The following CREB1 variants were observed in gnomAD, a reference collection of about 807,000 sequenced individuals.
The protein encoded by CREB1 is cAMP responsive element binding protein 1.
CREB1 carries 2 observed loss-of-function variants against 42.0 expected under a neutral mutation model. The ratio of observed to expected loss-of-function variants is 0.05; its 90% CI spans 0.02 to 0.15. CREB1 has a LOEUF of 0.15. CREB1 is among the 10% of genes least tolerant of loss of function. CREB1 has a pLI of 1.00. For missense variants in CREB1, 199 were observed against 388.9 expected (o/e 0.51, Z 4.11); for synonymous variants, 123 against 139.9 (o/e 0.88, Z 0.85).
rs923606976 is a variant in CREB1, at chr2:207,602,055, G to A, written c.*4997G>A. ...TATGGAAAATTTTCAAATAAACAGG[G>A]TGCTGAAGTTCCATCTGTCTCATCT... On this transcript the variant is annotated 3_prime_UTR_variant, in exon 8 of 8. Transcript: ENST00000353267. 1 of 204,854 alleles carries A rather than the reference G, an allele frequency of 4.9e-6. No homozygotes were observed. The highest frequency in any genetic ancestry group is 6.0e-5 in the Admixed American group (1 of 16,704). 12.7% of individuals were successfully genotyped at this position (204,854 alleles called of 1,614,324 possible).
At chr2:207,549,567 T>C (rs1418607654) in intron 1 of CREB1, among the ~76,000 whole-genome samples, 1 of 152,122 alleles carries the variant, frequency 6.6e-6, no homozygotes, top group Non-Finnish European at 1.5e-5. Flanking sequence ...ATTTGAAGGA[T>C]GTAAGAATGT....
intron 3 of CREB1, among the ~76,000 whole-genome samples, chr2:207,560,732 A>AGAG (rs2081925398): frequency 6.6e-6 from 1 of 152,228 alleles, no homozygotes; most frequent in Non-Finnish European, 1.5e-5. Context: ...GCAATTGGAG[A>AGAG]AAAATATACC....
At chr2:207,578,862 C>G (rs55834243) in intron 7 of CREB1, among the ~76,000 whole-genome samples, 2 of 152,018 alleles carry the variant, frequency 1.3e-5, no homozygotes, top group Non-Finnish European at 2.9e-5. Context: ...GCAATCTCAG[C>G]TCACTGCAGC....
intron 3 of CREB1, among the ~76,000 whole-genome samples, chr2:207,561,773 G>A (rs1347372194): frequency 6.6e-6 from 1 of 152,090 alleles, no homozygotes; most frequent in African/African-American, 2.4e-5. Context: ...ATTAATATTT[G>A]TAGAGGGGAG....
chr2:207,602,483 A>G lies in CREB1; in HGVS notation c.*5425A>G. ...GAGTAGGAAATTCACATTTGACCTAACATTACTTGCCTATAGAAGTATGGC... is the reference window on the plus strand; with the variant it reads ...GAGTAGGAAATTCACATTTGACCTAGCATTACTTGCCTATAGAAGTATGGC... On this transcript the variant is annotated 3_prime_UTR_variant, in exon 8 of 8. Transcript: ENST00000353267. 4.9e-6 allele frequency: 1 copy of G among 203,898 alleles called. No individual in the cohort carries two copies. The highest frequency in any genetic ancestry group is 1.0e-5 in the Non-Finnish European group (1 of 99,476). 12.6% of individuals were successfully genotyped at this position (203,898 alleles called of 1,614,324 possible).
intron 1 of CREB1, among the ~76,000 whole-genome samples, chr2:207,545,619 TAGG>T (rs1206536981): frequency 6.6e-6 from 1 of 152,158 alleles, no homozygotes; most frequent in Non-Finnish European, 1.5e-5. Flanking sequence ...TACTACGTAG[TAGG>T]CGCAGAATAT....
At chr2:207,586,313 T>C (rs926856648) in intron 7 of CREB1, among the ~76,000 whole-genome samples, 6 of 152,072 alleles carry the variant, frequency 3.9e-5, no homozygotes, top group Non-Finnish European at 7.4e-5. Context: ...AGAACATACA[T>C]TGGGGAAAGG....
chr2:207,604,747 C>T lies in CREB1; in HGVS notation c.*7689C>T, dbSNP rs926092628. Among the ~76,000 whole-genome samples, 1 of 152,154 alleles carries T rather than the reference C, an allele frequency of 6.6e-6. No homozygotes were observed. Among genetic ancestry groups the T allele is most frequent in the African/African-American group, 2.4e-5 (1 of 41,430 alleles). On this transcript the variant is annotated 3_prime_UTR_variant, in exon 8 of 8. Coordinates refer to ENST00000353267, the MANE Select transcript of CREB1 (RefSeq NM_004379.5). ...TCCCGTTACTCTCCATTTTCTCCTCCCACCGCCCTTGTCCCTGGCAACCAC... is the reference window on the plus strand; with the variant it reads ...TCCCGTTACTCTCCATTTTCTCCTCTCACCGCCCTTGTCCCTGGCAACCAC...
chr2:207,544,349 A>G (rs575895544), intron 1 of CREB1, among the ~76,000 whole-genome samples: 3 of 152,186 alleles, frequency 2.0e-5, no homozygotes, highest in African/African-American at 4.8e-5. Flanking sequence ...ATAGGCAGCT[A>G]TTCTTTCTTT....
intron 7 of CREB1, among the ~76,000 whole-genome samples, chr2:207,595,957 C>T (rs573327668): frequency 6.6e-6 from 1 of 152,214 alleles, no homozygotes; most frequent in African/African-American, 2.4e-5. Context: ...TATTGTCTTT[C>T]GATGTGCAGA....
intron 1 of CREB1, among the ~76,000 whole-genome samples, chr2:207,548,486 C>T (rs1298465000): frequency 6.6e-6 from 1 of 152,086 alleles, no homozygotes; most frequent in Non-Finnish European, 1.5e-5. Context: ...CCCGGTGGCT[C>T]ACACCTGTAA....
chr2:207,563,272 G>A (rs997618384), intron 3 of CREB1, among the ~76,000 whole-genome samples: 5 of 152,200 alleles, frequency 3.3e-5, no homozygotes, highest in Non-Finnish European at 2.9e-5. Flanking sequence ...AATTTACAAC[G>A]TAAGTTTGTC....
intron 1 of CREB1, among the ~76,000 whole-genome samples, chr2:207,532,297 G>A (rs922495949): frequency 3.3e-5 from 5 of 151,310 alleles, no homozygotes; most frequent in African/African-American, 1.2e-4. Flanking sequence ...ACTTCAGCCT[G>A]GGCGACACAG....
At chr2:207,593,481 C>T (rs1277018190) in intron 7 of CREB1, among the ~76,000 whole-genome samples, 1 of 152,014 alleles carries the variant, frequency 6.6e-6, no homozygotes, top group Non-Finnish European at 1.5e-5. Flanking sequence ...AGTGAGCCCT[C>T]ATTGTGCCAC....
chr2:207,539,017 T>C (rs1355181530), intron 1 of CREB1, among the ~76,000 whole-genome samples: 1 of 150,960 alleles, frequency 6.6e-6, no homozygotes, highest in African/African-American at 2.4e-5. Context: ...AAGTGAAAAT[T>C]ACAGATTATT....
At chr2:207,593,706 T>G (rs1232023351) in intron 7 of CREB1, among the ~76,000 whole-genome samples, 1 of 149,762 alleles carries the variant, frequency 6.7e-6, no homozygotes, top group African/African-American at 2.5e-5. Flanking sequence ...TTAACTCATT[T>G]GATCCTCACA....
At chr2:207,537,064 TGTTG>T (rs1376723397) in intron 1 of CREB1, among the ~76,000 whole-genome samples, 3 of 152,058 alleles carry the variant, frequency 2.0e-5, no homozygotes, top group East Asian at 3.9e-4. Context: ...TTGTTGTTGT[TGTTG>T]TTGTTGAGAC....
rs1183613207 is a variant in CREB1 at position 207,575,151 on chromosome 2, G to C, written c.506-121G>C. 3.0e-6 allele frequency: 3 copies of C among 993,944 alleles called. No individual in the cohort carries two copies. The Admixed American group carries it at 6.8e-5, about 23-fold the overall frequency. The allele number at this position is 993,944 out of a possible 1,614,324, so 61.6% of individuals were successfully genotyped here. On this transcript the variant is annotated intron_variant, in intron 5 of 7. Transcript: ENST00000353267. ...TACTTGAATATATTAGACCCTTCTT[G>C]GTGATGTTATTTGCTGTAACTTCTC...
intron 3 of CREB1, among the ~76,000 whole-genome samples, chr2:207,566,285 T>G (rs1419908014): frequency 6.6e-6 from 1 of 152,194 alleles, no homozygotes; most frequent in Non-Finnish European, 1.5e-5. Context: ...TCTCAAGTAC[T>G]TCTGAATATG....
Sources: allele counts gnomAD v4.1 joint callset (sites outside exome capture counted in the v4.1 genomes callset), GRCh38; gene constraint gnomAD v4.1.1; transcripts MANE v1.5; gene names NCBI Gene and HGNC (gene_info 2026-07-23, HGNC 2026-07-21).